The following MAP3K20 variants were observed in gnomAD, a reference collection of about 807,000 sequenced individuals.
MAP3K20 encodes HCCS-4.
A neutral mutation model predicts 85.7 loss-of-function variants in MAP3K20; 40 were observed. That is an observed-to-expected ratio of 0.47 (90% CI 0.36 to 0.61). The LOEUF is 0.61. Ranked by LOEUF, MAP3K20 falls within the 20% of genes least tolerant of loss-of-function variation. MAP3K20 has a pLI of 0.00. For synonymous variants in MAP3K20, 325 were observed against 327.7 expected (o/e 0.99, Z 0.09); for missense variants, 817 against 961.7 (o/e 0.85, Z 1.99).
intron 11 of MAP3K20, 135 bp from the exon 12 acceptor site, chr2:173,229,554 C>T (rs910535606): frequency 1.9e-6 from 2 of 1,063,838 alleles, no homozygotes; most frequent in Non-Finnish European, 2.7e-6. Context: ...AAACTGTTTT[C>T]CATTCAACCC....
At chr2:173,232,496 CTTTT>C (rs759417325) in intron 14 of MAP3K20, 37 bp downstream of exon 14, 2 of 1,600,892 alleles carry the variant, frequency 1.2e-6, no homozygotes, top group African/African-American at 1.3e-5. Context: ...TCAGCAAACC[CTTTT>C]TTTGTTTGTT....
Position 173,120,701 on chromosome 2 carries a change from C to CTTTTTTTTTTTTTTTTTTTTTTTTTT in MAP3K20, c.159+29535_159+29536insTTTTTTTTTTTTTTTTTTTTTTTTTT, listed in dbSNP as rs56084110. Among the ~76,000 whole-genome samples the CTTTTTTTTTTTTTTTTTTTTTTTTTT allele has an allele frequency of 8.1e-5, 4 of 49,214 alleles. 1 individual carries two copies. The highest frequency in any genetic ancestry group is 1.9e-4 in the African/African-American group (2 of 10,588). The allele number at this position is 49,214 out of a possible 152,430, so 32.3% of individuals were successfully genotyped here. The stretch of plus-strand genomic sequence containing the variant: ...ACAGTGATAGGAGTCACTCTCACTT[C>CTTTTTTTTTTTTTTTTTTTTTTTTTT]TTTTTTTTTTTTTTTTTTTTTTTTG... On this transcript the variant is annotated intron_variant, in intron 2 of 19. Transcript: ENST00000375213.
Position 173,093,718 on chromosome 2 carries a change from T to C in MAP3K20, c.159+2528T>C, listed in dbSNP as rs1235599583. Among the ~76,000 whole-genome samples the C allele has an allele frequency of 3.9e-5, 6 of 152,034 alleles. No homozygotes were observed. In the South Asian group the frequency reaches 1.2e-3, roughly 32 times the overall value. On this transcript the variant is annotated intron_variant, in intron 2 of 19. Transcript: ENST00000375213. ...ATGTTTATTGCAGCATTATTCACAA[T>C]AGCAGAGACTTGGAACCAACCCAAA...
chr2:173,117,706 A>T (rs2106183146), intron 2 of MAP3K20, among the ~76,000 whole-genome samples: 1 of 152,358 alleles, frequency 6.6e-6, no homozygotes, highest in South Asian at 2.1e-4. Flanking sequence ...AGGAGTACTC[A>T]TCTAGAAAAT....
intron 17 of MAP3K20, among the ~76,000 whole-genome samples, 191 bp downstream of exon 17, chr2:173,259,006 T>C (rs1315664841): frequency 6.6e-6 from 1 of 152,248 alleles, no homozygotes; most frequent in African/African-American, 2.4e-5. Context: ...ATTCTACTTA[T>C]GCTGTGTGAA....
chr2:173,205,816 G>C (rs1319122404), intron 9 of MAP3K20, among the ~76,000 whole-genome samples: 1 of 152,054 alleles, frequency 6.6e-6, no homozygotes, highest in Non-Finnish European at 1.5e-5. Flanking sequence ...AGTATTTGAT[G>C]ACACAGTTGC....
Position 173,170,584 on chromosome 2 carries a change from A to T in MAP3K20, c.247+692A>T, listed in dbSNP as rs556900337. The stretch of plus-strand genomic sequence containing the variant: ...TGATCTTTATCTTGGCAAATCTTTG[A>T]TTAAAACAAAGTCAAACAAGAAAAC... On this transcript the variant is annotated intron_variant, in intron 3 of 19. Coordinates refer to ENST00000375213, the MANE Select transcript of MAP3K20 (RefSeq NM_016653.3). 9.2e-5 allele frequency among the ~76,000 whole-genome samples: 14 copies of T among 152,324 alleles called. No individual in the cohort carries two copies. The Middle Eastern group carries it at 0.01, about 111-fold the overall frequency.
At chr2:173,124,316 A>C (rs999223655) in intron 2 of MAP3K20, among the ~76,000 whole-genome samples, 1 of 151,578 alleles carries the variant, frequency 6.6e-6, no homozygotes, top group Admixed American at 6.6e-5. Flanking sequence ...AAGAGACTCT[A>C]AAGTATATGG....
intron 11 of MAP3K20, chr2:173,221,116 C>CTT: frequency 7.0e-7 from 1 of 1,436,132 alleles, no homozygotes; most frequent in Non-Finnish European, 9.2e-7. Flanking sequence ...CCTAATTTCT[C>CTT]TTTTTACTTC....
intron 2 of MAP3K20, 66 bp downstream of exon 2, chr2:173,091,256 G>A (rs1687290250): frequency 6.5e-7 from 1 of 1,544,176 alleles, no homozygotes; most frequent in Middle Eastern, 1.7e-4. Context: ...TCAACCTCGA[G>A]TTAGAGGGTC....
intron 16 of MAP3K20, among the ~76,000 whole-genome samples, chr2:173,258,083 G>A (rs1017850296): frequency 3.3e-5 from 5 of 152,156 alleles, no homozygotes; most frequent in Non-Finnish European, 7.3e-5. Flanking sequence ...CAGAAGCCAC[G>A]AAGTAGCTGT....
chr2:173,122,566 A>G (rs550229219), intron 2 of MAP3K20, among the ~76,000 whole-genome samples: 4 of 152,128 alleles, frequency 2.6e-5, no homozygotes, highest in Non-Finnish European at 5.9e-5. Flanking sequence ...CTTCCCTTCA[A>G]AGGGTTATGG....
At chr2:173,146,977 T>C (rs1240775315) in intron 2 of MAP3K20, among the ~76,000 whole-genome samples, 2 of 152,230 alleles carry the variant, frequency 1.3e-5, no homozygotes, top group African/African-American at 4.8e-5. Flanking sequence ...CATCTTTCCT[T>C]ATACTTAGTG....
At chr2:173,206,392 T>A (rs961954036) in intron 9 of MAP3K20, among the ~76,000 whole-genome samples, 1 of 152,216 alleles carries the variant, frequency 6.6e-6, no homozygotes, top group South Asian at 2.1e-4. Context: ...TTAAGATTGA[T>A]TTTTATTTTC....
At position 173,189,707 on chromosome 2, in the gene MAP3K20, T is replaced by C. The variant is rs570142730; in HGVS notation, c.416-1188T>C. ...TTGCCCAAGCCAGAAATGAGATAAA[T>C]AGTAGTTACAGTTTAAAGCCAGAGC... On this transcript the variant is annotated intron_variant, in intron 5 of 19. Coordinates refer to ENST00000375213, the MANE Select transcript of MAP3K20 (RefSeq NM_016653.3). Among the ~76,000 whole-genome samples, 12 of 152,308 alleles carry C rather than the reference T, an allele frequency of 7.9e-5. No homozygotes were observed. In the East Asian group the frequency reaches 2.1e-3, roughly 27 times the overall value.
chr2:173,102,125 T>C (rs34863582), intron 2 of MAP3K20, among the ~76,000 whole-genome samples: 2 of 152,202 alleles, frequency 1.3e-5, no homozygotes, highest in Admixed American at 1.3e-4. Flanking sequence ...CTCTACACAG[T>C]ACCTGGTCCA....
At chr2:173,244,450 T>C (rs1204386184) in intron 16 of MAP3K20, among the ~76,000 whole-genome samples, 1 of 152,212 alleles carries the variant, frequency 6.6e-6, no homozygotes, top group Non-Finnish European at 1.5e-5. Context: ...CTTTATCCCG[T>C]TAGCATTTGG....
chr2:173,258,880 A>ATAT, intron 17 of MAP3K20, 65 bp downstream of exon 17: 1 of 1,055,176 alleles, frequency 9.5e-7, no homozygotes. Context: ...AGACATTAAA[A>ATAT]TACCCCAGCA....
intron 2 of MAP3K20, chr2:173,159,989 C>T (rs1383315542): frequency 6.6e-6 from 1 of 152,170 alleles, no homozygotes; most frequent in Non-Finnish European, 1.5e-5. Flanking sequence ...GACTTCCCAG[C>T]ACTGGTGACT....
Sources: allele counts gnomAD v4.1 joint callset (sites outside exome capture counted in the v4.1 genomes callset), GRCh38; gene constraint gnomAD v4.1.1; transcripts MANE v1.5; gene names NCBI Gene and HGNC (gene_info 2026-07-23, HGNC 2026-07-21).